The following DGCR2 variants were observed in gnomAD, a reference collection of about 807,000 sequenced individuals.
The protein encoded by DGCR2 is integral membrane protein DGCR2/IDD.
Under a neutral mutation model 51.6 loss-of-function variants are expected in DGCR2, and 24 were observed. The ratio of observed to expected loss-of-function variants is 0.47; its 90% CI spans 0.34 to 0.65. The LOEUF (loss-of-function observed/expected upper bound fraction) is 0.65, where lower values mean the gene tolerates loss of function less well. Ranked by LOEUF, DGCR2 falls within the 30% of genes least tolerant of loss-of-function variation. The pLI is 0.01. For missense variants in DGCR2, 765 were observed against 772.1 expected, an observed-to-expected ratio of 0.99 and a Z score of 0.11; for synonymous variants, 340 against 315.4, an observed-to-expected ratio of 1.08 and a Z score of -0.82.
intron 1 of DGCR2, among the ~76,000 whole-genome samples, chr22:19,111,199 G>T (rs1361725037): frequency 6.6e-6 from 1 of 152,194 alleles, no homozygotes; most frequent in African/African-American, 2.4e-5. Context: ...TGTGTGGTGA[G>T]ATCACAGAGG....
intron 9 of DGCR2, among the ~76,000 whole-genome samples, chr22:19,039,398 C>A (rs189711079): frequency 6.6e-6 from 1 of 152,320 alleles, no homozygotes; most frequent in Non-Finnish European, 1.5e-5. Flanking sequence ...CCTGTCCCAC[C>A]ATCGGTGTGA....
intron 1 of DGCR2, among the ~76,000 whole-genome samples, chr22:19,104,273 G>A (rs965227739): frequency 2.0e-5 from 3 of 152,114 alleles, no homozygotes; most frequent in Non-Finnish European, 4.4e-5. Context: ...GCTATGCAAC[G>A]CCCAGGAATT....
chr22:19,110,055 T>A (rs776014387), intron 1 of DGCR2, among the ~76,000 whole-genome samples: 3 of 152,206 alleles, frequency 2.0e-5, no homozygotes, highest in Non-Finnish European at 2.9e-5. Flanking sequence ...AAAAAGCACA[T>A]GTCCTATCAT....
At position 19,038,903 on chromosome 22, in the gene DGCR2, C is replaced by T. The variant is rs746109466; in HGVS notation, c.1615G>A (p.Gly539Ser). The T allele has an allele frequency of 6.2e-7, 1 of 1,612,718 alleles. No individual in the cohort carries two copies. The highest frequency in any genetic ancestry group is 8.5e-7 in the Non-Finnish European group (1 of 1,179,904). Residue 539 changes from glycine to serine, a missense_variant, in exon 10 of 10, where the codon GGC (glycine) becomes AGC (serine). Physicochemically the swap from Gly to Ser is moderately conservative, Grantham distance 56. Around this residue, in one of 3 missense-constraint regions of DGCR2, gnomAD observed 205 missense variants for 181.4 expected, o/e 1.13. Transcript: ENST00000263196. ...TPAAEALPGG[G>S]RHSRSSLNTV... ...TTGAGGGAGCTGCGGCTGTGGCGGC[C>T]ACCCCCTGGCAGTGCCTCTGCAGCT...
At chr22:19,106,623 G>T (rs555049908) in intron 1 of DGCR2, among the ~76,000 whole-genome samples, 1 of 152,336 alleles carries the variant, frequency 6.6e-6, no homozygotes, top group South Asian at 2.1e-4. Context: ...GAGATTGGAA[G>T]TTTCATTAGC....
intron 2 of DGCR2, among the ~76,000 whole-genome samples, chr22:19,068,562 G>A (rs577249716): frequency 2.0e-5 from 3 of 152,362 alleles, no homozygotes; most frequent in African/African-American, 7.2e-5. Flanking sequence ...CCAGCCCCAT[G>A]GGGATGGCCC....
At chr22:19,119,831 C>T (rs2083412676) in intron 1 of DGCR2, among the ~76,000 whole-genome samples, 1 of 151,936 alleles carries the variant, frequency 6.6e-6, no homozygotes, top group African/African-American at 2.4e-5. Flanking sequence ...CTGCCCTGTA[C>T]CAGAGAGGAA....
In DGCR2 at chr22:19,057,824, G is replaced by A. The variant is rs1333697508; in HGVS notation, c.626-662C>T. Among the ~76,000 whole-genome samples the A allele has an allele frequency of 2.6e-5, 4 of 152,094 alleles. No individual in the cohort carries two copies. Among genetic ancestry groups the A allele is most frequent in the Non-Finnish European group, 5.9e-5 (4 of 68,008 alleles). ...CTGCCGCAGAGAGCGTGAGGGTTGG[G>A]GACTGCTAACCTCCAAGCCTCTCTT... On this transcript the variant is annotated intron_variant, in intron 5 of 9. Transcript: ENST00000263196. This position sits in a 1 kb window ranked among gnomAD's most constrained non-coding sequence, Gnocchi z 5.1.
At chr22:19,084,476 T>C (rs9605932) in intron 2 of DGCR2, among the ~76,000 whole-genome samples, 131,662 of 140,808 alleles carry the variant, frequency 0.94, 61,548 homozygotes, top group African/African-American at 0.98. Context: ...AGGGGCCCCT[T>C]TGCCCGGGAG....
At chr22:19,103,016 A>G (rs1037500659) in intron 1 of DGCR2, among the ~76,000 whole-genome samples, 2 of 152,208 alleles carry the variant, frequency 1.3e-5, no homozygotes, top group African/African-American at 4.8e-5. Context: ...GTCTCTAAAA[A>G]AGATAATATG....
intron 1 of DGCR2, among the ~76,000 whole-genome samples, chr22:19,118,374 CAAAAAAAAAAAAA>C (rs923572855): frequency 1.6e-4 from 9 of 56,766 alleles, no homozygotes; most frequent in East Asian, 1.2e-3. Flanking sequence ...CCATCGCAAA[CAAAAAAAAAAAAA>C]AAAAAAAAAA....
chr22:19,069,274 CCCTGAA>C (rs972676459), intron 2 of DGCR2, among the ~76,000 whole-genome samples: 5 of 152,212 alleles, frequency 3.3e-5, no homozygotes, highest in Admixed American at 1.3e-4. Context: ...AAGCCTCCTT[CCCTGAA>C]CCTGAACCGG....
intron 6 of DGCR2, chr22:19,056,566 A>AAAC (rs1555902464): frequency 0.012 from 3,980 of 333,132 alleles, 26 homozygotes; most frequent in African/African-American, 0.022. Flanking sequence ...AAAAAAAAAA[A>AAAC]ACACACACAC....
rs759947288 is a variant in DGCR2 at position 19,068,165 on chromosome 22, C to G, written c.263G>C (p.Arg88Pro). The G allele has an allele frequency of 6.2e-7, 1 of 1,611,270 alleles. No individual in the cohort carries two copies. Among genetic ancestry groups the G allele is most frequent in the African/African-American group, 1.3e-5 (1 of 74,864 alleles). ...GTGCGAAGGGTCGCCTCCTCTGGCCCGCCCCTGCCGCGGATCCACAGCCTC... is the reference window on the plus strand; with the variant it reads ...GTGCGAAGGGTCGCCTCCTCTGGCCGGCCCCTGCCGCGGATCCACAGCCTC... ...GKEAVDPRQG[R>P]ARGGDPSHFH... is the part of the protein sequence containing the mutation. Residue 88 changes from arginine (R) to proline (P), a missense_variant, in exon 3 of 10, where the codon CGG becomes CCG. Around this residue, in one of 3 missense-constraint regions of DGCR2, gnomAD observed 370 missense variants for 325.5 expected, o/e 1.14. Coordinates refer to ENST00000263196, the MANE Select transcript of DGCR2 (RefSeq NM_005137.3).
intron 5 of DGCR2, among the ~76,000 whole-genome samples, chr22:19,062,774 T>TGC (rs1363410332): frequency 1.2e-4 from 14 of 113,974 alleles, no homozygotes; most frequent in Non-Finnish European, 1.5e-4. Context: ...CACACATGCA[T>TGC]GCTCACTCTC....
intron 5 of DGCR2, among the ~76,000 whole-genome samples, 192 bp downstream of exon 5, chr22:19,063,010 G>A (rs572885953): frequency 3.9e-5 from 6 of 152,238 alleles, no homozygotes; most frequent in Non-Finnish European, 7.4e-5. Flanking sequence ...GACAGCCACC[G>A]CCCAATGCAG....
At chr22:19,063,051 G>C (rs112644468) in intron 5 of DGCR2, 151 bp downstream of exon 5, 2 of 679,776 alleles carry the variant, frequency 2.9e-6, no homozygotes, top group Non-Finnish European at 5.1e-6. Context: ...CTGGCCCCAT[G>C]ACCGCAGCCC....
intron 6 of DGCR2, among the ~76,000 whole-genome samples, chr22:19,052,716 G>A (rs2082562602): frequency 6.6e-6 from 1 of 151,928 alleles, no homozygotes; most frequent in Admixed American, 6.5e-5. Flanking sequence ...GGGAGGTTGA[G>A]GCTGCAGTGA....
chr22:19,047,207 CCA>C (rs1330194758), intron 7 of DGCR2: 1 of 152,374 alleles, frequency 6.6e-6, no homozygotes, highest in African/African-American at 2.4e-5. Context: ...CTTGTGCTCA[CCA>C]CAGTCAACTG....
Sources: gnomAD v4.1 joint callset for allele counts (sites outside exome capture counted in the v4.1 genomes callset) on GRCh38, gnomAD v4.1.1 for gene constraint, gnomAD v4.1.1 regional missense constraint, Gnocchi (gnomAD v3.1) non-coding constraint, MANE v1.5 for transcripts, NCBI Gene and HGNC (gene_info 2026-07-23, HGNC 2026-07-21) for gene names.